The following CFAP44 variants were observed in gnomAD, a reference collection of about 807,000 sequenced individuals.
CFAP44 encodes cilia and flagella associated protein 44.
A neutral mutation model predicts 216.2 loss-of-function variants in CFAP44; 134 were observed. The observed-to-expected ratio is 0.62, with a 90% CI of 0.54 to 0.72. CFAP44 has a LOEUF of 0.72. Ranked by LOEUF, CFAP44 falls within the 30% of genes least tolerant of loss-of-function variation. The pLI is 0.00. For missense variants in CFAP44, 2,035 were observed against 2,182.1 expected, an observed-to-expected ratio of 0.93 and a Z score of 1.34; for synonymous variants, 700 against 727.6, an observed-to-expected ratio of 0.96 and a Z score of 0.61.
chr3:113,376,156 A>G (rs893173383), intron 17 of CFAP44, among the ~76,000 whole-genome samples: 1 of 152,236 alleles, frequency 6.6e-6, no homozygotes, highest in African/African-American at 2.4e-5. Context: ...TAAGGGTATC[A>G]AATAGTAAAG....
chr3:113,366,377 T>G (rs1932937602), intron 18 of CFAP44, 68 bp from the exon 19 acceptor site: 1 of 1,530,068 alleles, frequency 6.5e-7, no homozygotes, highest in African/African-American at 1.4e-5. Flanking sequence ...TCAACTTAAT[T>G]GACAAGTGGC....
At chr3:113,426,933 G>A (rs1374636798) in intron 3 of CFAP44, 1 of 422,530 alleles carries the variant, frequency 2.4e-6, no homozygotes, top group East Asian at 5.0e-5. Context: ...CTAATCTGTA[G>A]TGGAGCAGTT....
At chr3:113,345,060 A>T (rs6794923) in intron 22 of CFAP44, among the ~76,000 whole-genome samples, 1 of 148,506 alleles carries the variant, frequency 6.7e-6, no homozygotes, top group East Asian at 1.9e-4. Context: ...ATCTCCCTAC[A>T]TATTATATAT....
chr3:113,288,177 C>T lies in CFAP44; in HGVS notation c.*3380G>A, dbSNP rs953513054. The T allele has an allele frequency of 1.3e-5, 2 of 152,082 alleles. No individual in the cohort carries two copies. Among genetic ancestry groups the T allele is most frequent in the Non-Finnish European group, 2.9e-5 (2 of 68,018 alleles). 9.4% of individuals were successfully genotyped at this position (152,082 alleles called of 1,614,324 possible). The stretch of plus-strand genomic sequence containing the variant: ...CGTTAAGTGGGGGGCCAGACCCTGG[C>T]TTTTAAACATGAAGAATTTGATAAA... On this transcript the variant is annotated 3_prime_UTR_variant, in exon 35 of 35. Transcript: ENST00000393845.
rs964758664 is a variant in CFAP44 at position 113,289,555 on chromosome 3, G to C, written c.*2002C>G. 1 of 152,170 alleles carries C rather than the reference G, an allele frequency of 6.6e-6. No homozygotes were observed. The highest frequency in any genetic ancestry group is 1.5e-5 in the Non-Finnish European group (1 of 68,036). 9.4% of individuals were successfully genotyped at this position (152,170 alleles called of 1,614,324 possible). A position where few individuals can be genotyped will look rare whatever the true frequency, so the allele number is the denominator to read the frequency against. On this transcript the variant is annotated 3_prime_UTR_variant, in exon 35 of 35. Coordinates refer to ENST00000393845, the MANE Select transcript of CFAP44 (RefSeq NM_001164496.2). Reference sequence around the variant, plus strand: ...TACCAAGGGGATGGTATCGCCTCAAGACCTTTCTCAGAGACCAGCCACTCT... The same window carrying C: ...TACCAAGGGGATGGTATCGCCTCAACACCTTTCTCAGAGACCAGCCACTCT...
intron 21 of CFAP44, among the ~76,000 whole-genome samples, chr3:113,360,008 T>C (rs1208643540): frequency 3.3e-5 from 5 of 152,100 alleles, no homozygotes; most frequent in Non-Finnish European, 7.4e-5. Context: ...CATCTACCCA[T>C]TGTATTTTGG....
intron 18 of CFAP44, among the ~76,000 whole-genome samples, chr3:113,373,154 T>A (rs189184472): frequency 1.3e-5 from 2 of 152,342 alleles, no homozygotes; most frequent in East Asian, 3.8e-4. Flanking sequence ...AGCATCCTCC[T>A]AGGTAGCAGA....
At chr3:113,328,784 T>C (rs1272686483) in intron 26 of CFAP44, among the ~76,000 whole-genome samples, 4 of 150,782 alleles carry the variant, frequency 2.7e-5, no homozygotes, top group Admixed American at 6.6e-5. Flanking sequence ...GACTATATGT[T>C]TGGGCTCCCC....
chr3:113,355,037 A>T (rs996685564), intron 22 of CFAP44, among the ~76,000 whole-genome samples: 8 of 152,174 alleles, frequency 5.3e-5, no homozygotes, highest in African/African-American at 1.9e-4. Context: ...CCCAGTACCA[A>T]CCTGGAGCCC....
At chr3:113,431,395 G>A (rs1056228521) in intron 2 of CFAP44, among the ~76,000 whole-genome samples, 1 of 152,144 alleles carries the variant, frequency 6.6e-6, no homozygotes, top group Non-Finnish European at 1.5e-5. Flanking sequence ...TAGACAAAGG[G>A]TCATTATCAT....
rs1400266119 is a variant in CFAP44, at chr3:113,290,630, C to A, written c.*927G>T. The A allele has an allele frequency of 1.3e-5, 2 of 152,180 alleles. No homozygotes were observed. The highest frequency in any genetic ancestry group is 1.5e-5 in the Non-Finnish European group (1 of 68,040). The allele number at this position is 152,180 out of a possible 1,614,324, so 9.4% of individuals were successfully genotyped here. On this transcript the variant is annotated 3_prime_UTR_variant, in exon 35 of 35. Transcript: ENST00000393845. ...AGCCATGAACTTCAATGAGCACTTA[C>A]CCCCAAACCAAAAGGATACTCTTCA...
At chr3:113,427,153 T>C (rs778972570) in intron 3 of CFAP44, 34 bp downstream of exon 3, 115 of 1,594,124 alleles carry the variant, frequency 7.2e-5, no homozygotes, top group Non-Finnish European at 9.4e-5. Flanking sequence ...TCTAAAACAG[T>C]GACAATTACT....
rs1933356483 is a variant in CFAP44, at chr3:113,376,764, T to C, written c.2298+2542A>G. On this transcript the variant is annotated intron_variant, in intron 17 of 34. Coordinates refer to ENST00000393845, the MANE Select transcript of CFAP44 (RefSeq NM_001164496.2). ...TTACAGATGATTCTTTCAATAACTT[T>C]TTATGTAACAGAGCAAGGGGGGAAA... Among the ~76,000 whole-genome samples, 3 of 152,168 alleles carry C rather than the reference T, an allele frequency of 2.0e-5. No individual in the cohort carries two copies. The South Asian group carries it at 6.2e-4, about 32-fold the overall frequency.
chr3:113,336,209 T>C (rs1439834753), intron 24 of CFAP44, among the ~76,000 whole-genome samples: 1 of 151,892 alleles, frequency 6.6e-6, no homozygotes, highest in Non-Finnish European at 1.5e-5. Flanking sequence ...GGGAAGAAAT[T>C]ATAAAAATAA....
chr3:113,298,127 C>A (rs1009063968), intron 32 of CFAP44, among the ~76,000 whole-genome samples: 1 of 152,230 alleles, frequency 6.6e-6, no homozygotes, highest in East Asian at 1.9e-4. Context: ...CAGCTAGCCC[C>A]ACCCCCATAC....
intron 30 of CFAP44, 79 bp from the exon 31 acceptor site, chr3:113,305,231 G>T: frequency 8.1e-7 from 1 of 1,227,030 alleles, no homozygotes; most frequent in Non-Finnish European, 1.1e-6. Context: ...AAGGCATCTT[G>T]GGAGGAAGTA....
At chr3:113,306,053 A>G (rs1949982572) in intron 30 of CFAP44, 148 bp downstream of exon 30, 6 of 980,110 alleles carry the variant, frequency 6.1e-6, no homozygotes, top group Non-Finnish European at 7.1e-6. Flanking sequence ...CCCCACCACA[A>G]TTTAGGGAGA....
At chr3:113,308,471 T>C (rs924174764) in intron 28 of CFAP44, among the ~76,000 whole-genome samples, 1 of 152,252 alleles carries the variant, frequency 6.6e-6, no homozygotes, top group African/African-American at 2.4e-5. Context: ...AGTCAGAGGC[T>C]GAGACCAAGT....
rs1174099989 is a variant in CFAP44, at chr3:113,403,855, A to T, written c.1167T>A (p.Val389=). ...TCCAAGTATCGAGAAAACTTACCCT[A>T]ACATATCCATCTGACCCAACAGTGA... is the stretch of plus-strand genomic sequence containing the variant. ...EVITVGSDGY[V]RIWDFETIDT... The change falls in exon 9 of 35, where the codon GTT becomes GTA. Residue 389 remains valine, a synonymous_variant. Transcript: ENST00000393845. The T allele has an allele frequency of 1.2e-6, 2 of 1,612,604 alleles. No individual in the cohort carries two copies. Among genetic ancestry groups the T allele is most frequent in the Non-Finnish European group, 1.7e-6 (2 of 1,179,236 alleles).
Sources: allele counts gnomAD v4.1 joint callset (sites outside exome capture counted in the v4.1 genomes callset), GRCh38; gene constraint gnomAD v4.1.1; transcripts MANE v1.5; gene names NCBI Gene and HGNC (gene_info 2026-07-23, HGNC 2026-07-21).